The following SCLT1 variants were observed in gnomAD, a reference collection of about 807,000 sequenced individuals.
SCLT1 encodes sodium channel-associated protein 1.
In SCLT1, 78 loss-of-function variants were observed where a neutral mutation model predicts 112.8. The observed-to-expected ratio is 0.69, with a 90% CI of 0.58 to 0.83. SCLT1 has a LOEUF of 0.83. SCLT1 is among the 40% of genes least tolerant of loss of function. The pLI is 0.00. For missense variants in SCLT1, 747 were observed against 770.4 expected (o/e 0.97, Z 0.36); for synonymous variants, 257 against 254.7 (o/e 1.01, Z -0.09).
intron 3 of SCLT1, among the ~76,000 whole-genome samples, 164 bp downstream of exon 3, chr4:129,043,829 C>A (rs367726459): frequency 2.0e-5 from 3 of 152,254 alleles, no homozygotes; most frequent in African/African-American, 7.2e-5. Context: ...TGTCTGAGAA[C>A]TAATTTTGTA....
chr4:128,961,672 T>C (rs1336395516), intron 11 of SCLT1, among the ~76,000 whole-genome samples: 1 of 152,210 alleles, frequency 6.6e-6, no homozygotes. Flanking sequence ...CTAAACTTAA[T>C]CTGTAGGAAT....
intron 18 of SCLT1, among the ~76,000 whole-genome samples, chr4:128,928,891 G>A (rs1470297462): frequency 6.6e-6 from 1 of 151,850 alleles, no homozygotes; most frequent in African/African-American, 2.4e-5. Context: ...AATAGCAAAA[G>A]GAAACTTCCT....
At chr4:129,025,344 G>A (rs1228536974) in intron 5 of SCLT1, among the ~76,000 whole-genome samples, 15 of 152,206 alleles carry the variant, frequency 9.9e-5, no homozygotes, top group South Asian at 4.1e-4. Flanking sequence ...GACTAACAGC[G>A]GATCTCTTGG....
At chr4:129,074,797 A>G (rs921111504) in intron 2 of SCLT1, among the ~76,000 whole-genome samples, 6 of 152,066 alleles carry the variant, frequency 3.9e-5, no homozygotes, top group African/African-American at 1.4e-4. Context: ...GAATTTCTGG[A>G]CTCAAGAGAT....
At chr4:128,969,268 T>C (rs1408805905) in intron 10 of SCLT1, among the ~76,000 whole-genome samples, 2 of 152,110 alleles carry the variant, frequency 1.3e-5, no homozygotes, top group Non-Finnish European at 2.9e-5. Flanking sequence ...TGCCAGTATT[T>C]CTTCTTTAAA....
intron 5 of SCLT1, among the ~76,000 whole-genome samples, chr4:129,011,291 T>C (rs2126104102): frequency 6.6e-6 from 1 of 152,294 alleles, no homozygotes; most frequent in Non-Finnish European, 1.5e-5. Context: ...GTAGATAAGA[T>C]TTTTGCTGTG....
intron 5 of SCLT1, among the ~76,000 whole-genome samples, chr4:129,036,310 GGCTTCAAAAGACCT>G (rs1392269486): frequency 6.6e-6 from 1 of 151,894 alleles, no homozygotes; most frequent in Non-Finnish European, 1.5e-5. Context: ...TTTAAAGACT[GGCTTCAAAAGACCT>G]GCATATGAAA....
chr4:128,910,560 A>C (rs1163602354), intron 18 of SCLT1, among the ~76,000 whole-genome samples: 3 of 152,112 alleles, frequency 2.0e-5, no homozygotes, highest in Non-Finnish European at 4.4e-5. Flanking sequence ...TTTCTTCATA[A>C]AAATTTTAAT....
At chr4:129,013,216 C>CCACTTATAAGTGAGAA (rs1744695043) in intron 5 of SCLT1, among the ~76,000 whole-genome samples, 1 of 152,108 alleles carries the variant, frequency 6.6e-6, no homozygotes, top group South Asian at 2.1e-4. Context: ...CATTTAGCTC[C>CCACTTATAAGTGAGAA]CACTTATAAG....
intron 10 of SCLT1, among the ~76,000 whole-genome samples, chr4:128,966,637 G>A (rs768954057): frequency 2.0e-5 from 3 of 152,084 alleles, no homozygotes; most frequent in Admixed American, 1.3e-4. Context: ...TTGTCATTTG[G>A]TGTCATTTCC....
intron 5 of SCLT1, among the ~76,000 whole-genome samples, chr4:129,005,856 G>A (rs1232771239): frequency 1.3e-5 from 2 of 151,234 alleles, no homozygotes; most frequent in South Asian, 2.1e-4. Context: ...ATGAGTTCAT[G>A]TCCTTTGTAG....
chr4:128,911,279 T>C (rs756942139), intron 18 of SCLT1, among the ~76,000 whole-genome samples: 1 of 152,052 alleles, frequency 6.6e-6, no homozygotes, highest in East Asian at 1.9e-4. Context: ...AAAAATATAA[T>C]AAATAGGTAA....
intron 18 of SCLT1, among the ~76,000 whole-genome samples, chr4:128,915,803 G>A (rs1356098772): frequency 6.6e-6 from 1 of 152,224 alleles, no homozygotes; most frequent in African/African-American, 2.4e-5. Context: ...GGGATACAGT[G>A]AGGAATAAAA....
chr4:128,969,572 AAAAATAAAAT>A (rs748878885), intron 10 of SCLT1, among the ~76,000 whole-genome samples: 12 of 151,944 alleles, frequency 7.9e-5, no homozygotes, highest in African/African-American at 1.2e-4. Context: ...ACTCTGACTC[AAAAATAAAAT>A]AAAATAAAAT....
At position 128,873,743 on chromosome 4, in the gene SCLT1, T is replaced by C. The variant is rs1732376307; in HGVS notation, n.408-500A>G. ...CTCCTTAGTTTGTTAATACCAGTAT[T>C]CAGATTCCTGATTCATTTATACATC... is the stretch of plus-strand genomic sequence containing the variant. On this transcript the variant is annotated intron_variant and non_coding_transcript_variant, in intron 5 of 7. Transcript: ENST00000503565. 3.9e-5 allele frequency: 6 copies of C among 152,542 alleles called. No individual in the cohort carries two copies. The South Asian group carries it at 1.2e-3, about 32-fold the overall frequency. 9.4% of individuals were successfully genotyped at this position (152,542 alleles called of 1,614,324 possible).
intron 9 of SCLT1, among the ~76,000 whole-genome samples, chr4:128,977,123 T>C (rs908472095): frequency 2.2e-4 from 33 of 152,190 alleles, no homozygotes; most frequent in Admixed American, 2.0e-4. Context: ...ACCAGAGTGA[T>C]GACAACAATT....
intron 18 of SCLT1, among the ~76,000 whole-genome samples, chr4:128,904,960 C>T (rs1734581629): frequency 6.6e-6 from 1 of 152,112 alleles, no homozygotes; most frequent in South Asian, 2.1e-4. Flanking sequence ...TTCTTTCTTT[C>T]CCTATTTACA....
intron 5 of SCLT1, among the ~76,000 whole-genome samples, chr4:129,013,325 T>C (rs1560964795): frequency 6.6e-6 from 1 of 152,234 alleles, no homozygotes; most frequent in South Asian, 2.1e-4. Flanking sequence ...AAGGTTGGTA[T>C]TGATATGTAT....
intron 9 of SCLT1, among the ~76,000 whole-genome samples, chr4:128,985,743 G>A (rs755981218): frequency 6.6e-6 from 1 of 151,884 alleles, no homozygotes; most frequent in African/African-American, 2.4e-5. Flanking sequence ...TTTCATGACA[G>A]GCTAATTTTA....
Sources: allele counts gnomAD v4.1 joint callset (sites outside exome capture counted in the v4.1 genomes callset), GRCh38; gene constraint gnomAD v4.1.1; transcripts MANE v1.5; gene names NCBI Gene and HGNC (gene_info 2026-07-23, HGNC 2026-07-21).